Variants in MEGF11 observed in about 807,000 individuals in gnomAD.
MEGF11 encodes the protein multiple EGF like domains 11.
In MEGF11, 126 loss-of-function variants were observed where a neutral mutation model predicts 146.6. That is an observed-to-expected ratio of 0.86 (90% CI 0.74 to 1.00). MEGF11 has a LOEUF of 1.00. Ranked by LOEUF, MEGF11 falls within the 50% of genes least tolerant of loss-of-function variation. The pLI is 0.00. For synonymous variants in MEGF11, 532 were observed against 583.4 expected, an observed-to-expected ratio of 0.91 and a Z score of 1.27; for missense variants, 1,509 against 1,521.2, an observed-to-expected ratio of 0.99 and a Z score of 0.13.
At position 66,134,021 on chromosome 15, in the gene MEGF11, A is replaced by C. The variant is rs549924319; in HGVS notation, c.-8-5610T>G. On this transcript the variant is annotated intron_variant, in intron 1 of 25. Coordinates refer to ENST00000395614, the MANE Select transcript of MEGF11 (RefSeq NM_001385028.1). ...AATTCTGCTTTCTCCTTGCCTGGGAAGCCTCGGGCTGCAAATCCTGAAAAT... is the reference window on the plus strand; with the variant it reads ...AATTCTGCTTTCTCCTTGCCTGGGACGCCTCGGGCTGCAAATCCTGAAAAT... Among the ~76,000 whole-genome samples the C allele has an allele frequency of 3.1e-4, 47 of 152,224 alleles. No individual in the cohort carries two copies. The South Asian group carries it at 9.3e-3, about 30-fold the overall frequency.
intron 4 of MEGF11, among the ~76,000 whole-genome samples, chr15:66,095,982 C>T (rs958839321): frequency 6.6e-6 from 1 of 152,230 alleles, no homozygotes; most frequent in African/African-American, 2.4e-5. Context: ...GCAAGACTGT[C>T]AGTCCTGCTG....
At position 65,929,163 on chromosome 15, in the gene MEGF11, T is replaced by C. The variant is rs1318820955; in HGVS notation, c.1572+557A>G. On this transcript the variant is annotated intron_variant, in intron 12 of 25. Transcript: ENST00000395614. Reference sequence around the variant, plus strand: ...AACCCAGGATTGCAGGACTCCAAATTGCTCATTAAGGACTGCATTGCTCAT... The same window carrying C: ...AACCCAGGATTGCAGGACTCCAAATCGCTCATTAAGGACTGCATTGCTCAT... Among the ~76,000 whole-genome samples the C allele has an allele frequency of 4.6e-5, 7 of 152,174 alleles. No homozygotes were observed. The East Asian group carries it at 1.3e-3, about 29-fold the overall frequency.
In MEGF11 at chr15:65,918,006, G is replaced by T. The variant is rs754070544; in HGVS notation, c.2046C>A (p.Cys682Ter). ...TGCCAATCCATCCAGGAAAGCACTG[G>T]CAGGAGCCATCGATAGGGCTGCAGG... ...NGTCSPIDGS[C>*]QCFPGWIGKD... The change falls in exon 16 of 26, where the codon TGC (cysteine) becomes TGA (stop). Residue 682 changes from cysteine (C) to a stop codon, truncating the protein, a stop_gained. Transcript: ENST00000395614. LOFTEE classifies it high-confidence loss of function. 4 of 1,613,880 alleles carry T rather than the reference G, an allele frequency of 2.5e-6. No homozygotes were observed. The highest frequency in any genetic ancestry group is 2.7e-5 in the African/African-American group (2 of 74,914).
At chr15:66,186,161 C>T (rs2090693893) in intron 1 of MEGF11, among the ~76,000 whole-genome samples, 1 of 152,218 alleles carries the variant, frequency 6.6e-6, no homozygotes, top group Non-Finnish European at 1.5e-5. Flanking sequence ...GCTTCTCTAT[C>T]ACTTTAGATG....
chr15:65,988,215 G>T (rs2081931148), intron 5 of MEGF11, among the ~76,000 whole-genome samples: 1 of 151,474 alleles, frequency 6.6e-6, no homozygotes, highest in African/African-American at 2.4e-5. Context: ...CACCATGTTG[G>T]CCAGGCTGGT....
intron 5 of MEGF11, among the ~76,000 whole-genome samples, chr15:66,004,721 A>G (rs1259293246): frequency 6.6e-6 from 1 of 152,068 alleles, no homozygotes; most frequent in African/African-American, 2.4e-5. Flanking sequence ...ATAGGCACTC[A>G]ATATTGTGGG....
At chr15:66,047,225 A>G (rs78293025) in intron 5 of MEGF11, among the ~76,000 whole-genome samples, 2 of 152,234 alleles carry the variant, frequency 1.3e-5, no homozygotes, top group African/African-American at 4.8e-5. Context: ...GCAGTTGTCA[A>G]TAGCATGGCA....
At position 66,119,266 on chromosome 15, in the gene MEGF11, T is replaced by C. The variant is rs1356603102; in HGVS notation, c.201-80A>G. ...TTAGAATGATATTTGTGTTAAGCTA[T>C]ATTGAGGATGCCATTCAATAATTAC... On this transcript the variant is annotated intron_variant, in intron 3 of 25. Coordinates refer to ENST00000395614, the MANE Select transcript of MEGF11 (RefSeq NM_001385028.1). 1.4e-5 allele frequency: 13 copies of C among 962,160 alleles called. 1 individual carries two copies. Among genetic ancestry groups the C allele is most frequent in the South Asian group, 1.3e-4 (9 of 67,276 alleles). The allele number at this position is 962,160 out of a possible 1,614,324, so 59.6% of individuals were successfully genotyped here. A position where few individuals can be genotyped will look rare whatever the true frequency, so the allele number is the denominator to read the frequency against.
At chr15:66,157,887 T>C (rs1003108272) in intron 1 of MEGF11, among the ~76,000 whole-genome samples, 1 of 152,172 alleles carries the variant, frequency 6.6e-6, no homozygotes, top group African/African-American at 2.4e-5. Context: ...TTTTTTTTAA[T>C]TTTAAATGAA....
At chr15:65,909,417 G>C (rs973852944) in intron 22 of MEGF11, among the ~76,000 whole-genome samples, 1 of 151,398 alleles carries the variant, frequency 6.6e-6, no homozygotes, top group African/African-American at 2.4e-5. Context: ...AGAAGCCCTT[G>C]AAAGGAGCAC....
chr15:66,212,820 G>A (rs1479016733), intron 1 of MEGF11, among the ~76,000 whole-genome samples: 1 of 152,218 alleles, frequency 6.6e-6, no homozygotes, highest in Admixed American at 6.5e-5. Flanking sequence ...AGGAGCACCA[G>A]CAGTTGGGAC....
intron 1 of MEGF11, among the ~76,000 whole-genome samples, chr15:66,162,276 C>T (rs147667906): frequency 3.9e-4 from 59 of 152,240 alleles, no homozygotes; most frequent in African/African-American, 1.3e-3. Flanking sequence ...CGTGAAACAA[C>T]GTGAATGTGC....
Position 66,053,593 on chromosome 15 carries a change from C to G in MEGF11, c.394+40809G>C, listed in dbSNP as rs147827059. Among the ~76,000 whole-genome samples, 10 of 152,136 alleles carry G rather than the reference C, an allele frequency of 6.6e-5. No individual in the cohort carries two copies. The East Asian group carries it at 1.9e-3, about 29-fold the overall frequency. ...TCTGTGATGTTTTAGTTGCCACCCT[C>G]AGGGCCCAGACCCCTGCTCATGGAG... On this transcript the variant is annotated intron_variant, in intron 5 of 25. Coordinates refer to ENST00000395614, the MANE Select transcript of MEGF11 (RefSeq NM_001385028.1).
chr15:66,246,801 G>A (rs962662632), intron 1 of MEGF11, among the ~76,000 whole-genome samples: 10 of 152,132 alleles, frequency 6.6e-5, no homozygotes, highest in African/African-American at 1.9e-4. Context: ...ACAGGAGTAC[G>A]ATTCTATCTC....
intron 1 of MEGF11, among the ~76,000 whole-genome samples, chr15:66,170,184 G>C (rs1036672001): frequency 6.6e-6 from 1 of 152,194 alleles, no homozygotes; most frequent in Non-Finnish European, 1.5e-5. Flanking sequence ...ACCTGGGTGC[G>C]TGTTAGGAGA....
chr15:65,987,093 GT>G (rs2081889248), intron 5 of MEGF11, among the ~76,000 whole-genome samples: 1 of 152,102 alleles, frequency 6.6e-6, no homozygotes, highest in Admixed American at 6.6e-5. Flanking sequence ...TCCAGGCTTA[GT>G]GTGCCCCTGG....
chr15:65,977,178 A>AGGATCTTGGCTAAGT (rs2081480889), intron 7 of MEGF11, among the ~76,000 whole-genome samples: 1 of 148,970 alleles, frequency 6.7e-6, no homozygotes, highest in Non-Finnish European at 1.5e-5. Context: ...AAAAAAAAAG[A>AGGATCTTGGCTAAGT]GGATCTTGGC....
At chr15:65,952,897 C>CA (rs2080457822) in intron 10 of MEGF11, among the ~76,000 whole-genome samples, 1 of 152,220 alleles carries the variant, frequency 6.6e-6, no homozygotes, top group Non-Finnish European at 1.5e-5. Context: ...GCCAAACAAA[C>CA]ATGTAAAATG....
intron 10 of MEGF11, among the ~76,000 whole-genome samples, chr15:65,950,421 C>CA (rs1410586809): frequency 4.0e-5 from 6 of 151,864 alleles, no homozygotes; most frequent in South Asian, 2.1e-4. Context: ...CCCATCTCTA[C>CA]AAAAAAATCA....
Sources: gnomAD v4.1 joint callset for allele counts (sites outside exome capture counted in the v4.1 genomes callset) on GRCh38, gnomAD v4.1.1 for gene constraint, MANE v1.5 for transcripts, NCBI Gene and HGNC (gene_info 2026-07-23, HGNC 2026-07-21) for gene names.